The following ADCY3 variants were observed in gnomAD, a reference collection of about 807,000 sequenced individuals.
ADCY3 encodes adenylate cyclase type 3.
Under a neutral mutation model 119.4 loss-of-function variants are expected in ADCY3, and 70 were observed. The observed-to-expected ratio is 0.59, with a 90% confidence interval of 0.48 to 0.72. The LOEUF (loss-of-function observed/expected upper bound fraction) is 0.72. Ranked by LOEUF, ADCY3 falls within the 30% of genes least tolerant of loss-of-function variation. The pLI is 0.00. For synonymous variants in ADCY3, 672 were observed against 621.4 expected (o/e 1.08, Z -1.21); for missense variants, 1,238 against 1,541.6 (o/e 0.80, Z 3.30).
intron 3 of ADCY3, among the ~76,000 whole-genome samples, chr2:24,870,410 G>A (rs1170650330): frequency 6.6e-6 from 1 of 151,886 alleles, no homozygotes; most frequent in Non-Finnish European, 1.5e-5. Context: ...GCAGCAACGA[G>A]CCCAAGGCCA....
intron 13 of ADCY3, 88 bp from the exon 14 acceptor site, chr2:24,828,249 A>G: frequency 6.7e-7 from 1 of 1,490,334 alleles, no homozygotes; most frequent in Non-Finnish European, 9.1e-7. Context: ...GTGCACGCTC[A>G]GCTGCCACCT....
intron 3 of ADCY3, among the ~76,000 whole-genome samples, chr2:24,857,469 T>C (rs561763091): frequency 6.6e-6 from 1 of 152,384 alleles, no homozygotes; most frequent in South Asian, 2.1e-4. Flanking sequence ...ATCTTTGCTG[T>C]CCAATATGGC....
intron 8 of ADCY3, 103 bp downstream of exon 8, chr2:24,838,342 G>A (rs893240929): frequency 7.5e-5 from 93 of 1,233,174 alleles, no homozygotes; most frequent in Non-Finnish European, 1.0e-4. Context: ...CCACTGCTGG[G>A]TCCTGCCACC....
intron 2 of ADCY3, among the ~76,000 whole-genome samples, chr2:24,903,381 G>A (rs983202879): frequency 2.6e-5 from 4 of 151,836 alleles, no homozygotes; most frequent in Admixed American, 1.3e-4. Flanking sequence ...TTCCACAACC[G>A]TCTGTCTCGA....
intron 13 of ADCY3, among the ~76,000 whole-genome samples, chr2:24,829,253 G>C (rs1463769025): frequency 1.3e-5 from 2 of 151,534 alleles, no homozygotes; most frequent in African/African-American, 4.9e-5. Flanking sequence ...CTGACCTCAA[G>C]TGATCTGCCT....
chr2:24,919,056 C>T lies in ADCY3; in HGVS notation c.-69G>A. ...ACGGAGGAAGAGCTCTGGACTGGGC[C>T]TCCTCTCAGGGCTCTCTGAGACCGG... is the stretch of plus-strand genomic sequence containing the variant. On this transcript the variant is annotated 5_prime_UTR_variant, in exon 2 of 22. Coordinates refer to ENST00000679454, the MANE Select transcript of ADCY3 (RefSeq NM_004036.5). The surrounding 1 kb of genome is among the most constrained non-coding windows in gnomAD (Gnocchi z 5.5). 2 of 1,452,160 alleles carry T rather than the reference C, an allele frequency of 1.4e-6. No homozygotes were observed. The highest frequency in any genetic ancestry group is 9.1e-7 in the Non-Finnish European group (1 of 1,095,872). The allele number at this position is 1,452,160 out of a possible 1,614,324, so 90.0% of individuals were successfully genotyped here.
In ADCY3 at chr2:24,872,842, A is replaced by C; in HGVS notation, c.676-123T>G. 2.5e-6 allele frequency: 3 copies of C among 1,199,506 alleles called. No homozygotes were observed. The South Asian group carries it at 4.4e-5, about 18-fold the overall frequency. 74.3% of individuals were successfully genotyped at this position (1,199,506 alleles called of 1,614,324 possible). On this transcript the variant is annotated intron_variant, in intron 2 of 21. Transcript: ENST00000679454. This position sits in a 1 kb window ranked among gnomAD's most constrained non-coding sequence, Gnocchi z 4.4. Reference sequence around the variant, plus strand: ...ACCAAAATCAAACCTCAAGTTGCCCAATGTCCAGGGAGGGGCCCAGCACAG... The same window carrying C: ...ACCAAAATCAAACCTCAAGTTGCCCCATGTCCAGGGAGGGGCCCAGCACAG...
At chr2:24,854,326 G>C (rs1449765564) in intron 3 of ADCY3, among the ~76,000 whole-genome samples, 1 of 152,220 alleles carries the variant, frequency 6.6e-6, no homozygotes, top group African/African-American at 2.4e-5. Flanking sequence ...TGTCAGAGGA[G>C]TGGCCATATC....
intron 3 of ADCY3, among the ~76,000 whole-genome samples, chr2:24,868,806 G>A (rs1036115167): frequency 6.6e-6 from 1 of 152,106 alleles, no homozygotes; most frequent in South Asian, 2.1e-4. Context: ...CACAAGGTCA[G>A]GAGATGGAGA....
intron 3 of ADCY3, among the ~76,000 whole-genome samples, chr2:24,868,545 G>A (rs891279283): frequency 2.0e-5 from 3 of 151,970 alleles, no homozygotes; most frequent in Non-Finnish European, 4.4e-5. Flanking sequence ...GAGGCAAGAG[G>A]ATACCTTGAA....
At position 24,825,714 on chromosome 2, in the gene ADCY3, G is replaced by A. The variant is rs551721792; in HGVS notation, c.2577+331C>T. 6.1e-4 allele frequency: 181 copies of A among 296,850 alleles called. 1 individual carries two copies. The highest frequency in any genetic ancestry group is 3.6e-3 in the African/African-American group (162 of 45,178). The allele number at this position is 296,850 out of a possible 1,614,324, so 18.4% of individuals were successfully genotyped here. On this transcript the variant is annotated intron_variant, in intron 16 of 21. Coordinates refer to ENST00000679454, the MANE Select transcript of ADCY3 (RefSeq NM_004036.5). ...TTGTGTTAATGTCCCTCAGCGCCAC[G>A]GGGAGTGCGGGGGCCATGAGCCCCT... is the stretch of plus-strand genomic sequence containing the variant.
chr2:24,861,585 G>C (rs1417570756), intron 3 of ADCY3, among the ~76,000 whole-genome samples: 2 of 152,050 alleles, frequency 1.3e-5, no homozygotes, highest in Non-Finnish European at 2.9e-5. Context: ...TTCTCATGAG[G>C]AGCTTTTACA....
chr2:24,905,259 G>A (rs577624990), intron 2 of ADCY3, among the ~76,000 whole-genome samples: 40 of 151,246 alleles, frequency 2.6e-4, no homozygotes, highest in South Asian at 2.5e-3. Context: ...TCAGCCTCCC[G>A]AGTAGCTGGG....
At chr2:24,912,167 G>A (rs1347276492) in intron 2 of ADCY3, among the ~76,000 whole-genome samples, 2 of 152,000 alleles carry the variant, frequency 1.3e-5, no homozygotes, top group East Asian at 1.9e-4. Flanking sequence ...TATCAAGAAC[G>A]TGTAATTTGG....
intron 9 of ADCY3, 91 bp from the exon 10 acceptor site, chr2:24,835,027 A>G (rs1008117632): frequency 1.4e-6 from 2 of 1,472,024 alleles, no homozygotes; most frequent in Non-Finnish European, 1.8e-6. Flanking sequence ...GGAAAGGAAC[A>G]AAAGAGGGCA....
intron 3 of ADCY3, among the ~76,000 whole-genome samples, chr2:24,870,618 C>T (rs527813549): frequency 1.3e-5 from 2 of 152,332 alleles, no homozygotes; most frequent in East Asian, 1.9e-4. Context: ...GCAGGCAATG[C>T]AGAGAAGCAC....
intron 2 of ADCY3, among the ~76,000 whole-genome samples, chr2:24,900,617 T>C (rs931096843): frequency 6.6e-6 from 1 of 152,176 alleles, no homozygotes; most frequent in East Asian, 1.9e-4. Flanking sequence ...CCCAGGACCA[T>C]GTAAGGTCTG....
At chr2:24,890,010 T>C (rs1476332192) in intron 2 of ADCY3, among the ~76,000 whole-genome samples, 2 of 152,200 alleles carry the variant, frequency 1.3e-5, no homozygotes, top group Non-Finnish European at 2.9e-5. Context: ...CTTTTCCTAG[T>C]TTGCTGAGAG....
chr2:24,821,450 G>T, intron 20 of ADCY3, 67 bp downstream of exon 20: 1 of 1,589,224 alleles, frequency 6.3e-7, no homozygotes. Context: ...TGTCTCTCCT[G>T]GTGGTGGGCC....
Sources: allele counts gnomAD v4.1 joint callset (sites outside exome capture counted in the v4.1 genomes callset), GRCh38; gene constraint gnomAD v4.1.1; non-coding constraint Gnocchi (gnomAD v3.1); transcripts MANE v1.5; gene names NCBI Gene and HGNC (gene_info 2026-07-23, HGNC 2026-07-21).